CPAMD8: variants seen among roughly 807,000 people sequenced by gnomAD.
The protein encoded by CPAMD8 is C3 and PZP-like alpha-2-macroglobulin domain-containing protein 8.
In CPAMD8, 146 loss-of-function variants were observed where a neutral mutation model predicts 224.7. The ratio of observed to expected loss-of-function variants is 0.65; its 90% CI spans 0.57 to 0.75. CPAMD8 has a LOEUF of 0.75. Ranked by LOEUF, CPAMD8 falls within the 30% of genes least tolerant of loss-of-function variation. The probability of loss-of-function intolerance (pLI) is 0.00; values close to 1 mark genes in which losing one functional copy is unlikely to be tolerated. For synonymous variants in CPAMD8, 966 were observed against 1,044.6 expected, an observed-to-expected ratio of 0.92 and a Z score of 1.45; for missense variants, 2,301 against 2,537.5, an observed-to-expected ratio of 0.91 and a Z score of 2.00.
intron 29 of CPAMD8, among the ~76,000 whole-genome samples, chr19:16,908,240 T>C (rs2052597740): frequency 6.6e-6 from 1 of 151,610 alleles, no homozygotes; most frequent in Admixed American, 6.6e-5. Flanking sequence ...GCGCCTATAA[T>C]CCAAGCTATT....
At chr19:16,948,403 G>C (rs1196102946) in intron 20 of CPAMD8, among the ~76,000 whole-genome samples, 1 of 152,080 alleles carries the variant, frequency 6.6e-6, no homozygotes, top group South Asian at 2.1e-4. Context: ...GCTGCTGCAG[G>C]GTGCACATCA....
chr19:17,006,529 G>A (rs1307869566), intron 7 of CPAMD8, among the ~76,000 whole-genome samples: 4 of 138,926 alleles, frequency 2.9e-5, no homozygotes, highest in Admixed American at 1.5e-4. Flanking sequence ...CCTGCCTCTT[G>A]AGAAAAAAAA....
chr19:16,906,338 C>CTTTCTTTCTT (rs1164137109), intron 30 of CPAMD8, among the ~76,000 whole-genome samples: 3 of 26,890 alleles, frequency 1.1e-4, no homozygotes, highest in South Asian at 4.5e-3. Context: ...CCTTCTTTCC[C>CTTTCTTTCTT]TTTCTTTCTT....
rs745959810 is a variant in CPAMD8 at position 16,957,933 on chromosome 19, G to T, written c.2214-18C>A. ...TCTCTGTTCTATGAAAAGAAAAAAAGAAACGATTAAGGTTTCATGAACATA... is the reference window on the plus strand; with the variant it reads ...TCTCTGTTCTATGAAAAGAAAAAAATAAACGATTAAGGTTTCATGAACATA... On this transcript the variant is annotated intron_variant, in intron 18 of 41. Transcript: ENST00000443236. 6.2e-7 allele frequency: 1 copy of T among 1,608,054 alleles called. No homozygotes were observed. The highest frequency in any genetic ancestry group is 1.7e-5 in the Admixed American group (1 of 59,202).
intron 23 of CPAMD8, among the ~76,000 whole-genome samples, chr19:16,932,091 T>A (rs1285367133): frequency 1.3e-5 from 2 of 151,340 alleles, no homozygotes; most frequent in African/African-American, 4.9e-5. Flanking sequence ...AGCAACAGAT[T>A]CCAGTAAAAA....
intron 28 of CPAMD8, 61 bp downstream of exon 28, chr19:16,914,596 C>A: frequency 1.1e-5 from 18 of 1,612,750 alleles, no homozygotes; most frequent in Non-Finnish European, 1.5e-5. Context: ...ACAGGCAGGT[C>A]AGGGCTGGGG....
intron 18 of CPAMD8, among the ~76,000 whole-genome samples, chr19:16,968,307 C>T (rs913945408): frequency 6.6e-6 from 1 of 152,124 alleles, no homozygotes; most frequent in Non-Finnish European, 1.5e-5. Context: ...GCCTGCTAAA[C>T]GTGTGGCCCC....
At position 16,900,177 on chromosome 19, in the gene CPAMD8, GGTCT is replaced by G. The variant is rs930018481; in HGVS notation, c.4774-632_4774-629del. Among the ~76,000 whole-genome samples the G allele has an allele frequency of 8.3e-4, 127 of 152,198 alleles. 2 individuals carry two copies. In the Middle Eastern group the frequency reaches 0.01, roughly 12 times the overall value. ...CTGTACAAAATGGGGACATGGCACT[GGTCT>G]GTCTTAGGGTTGTGAGGGTGACAGC... On this transcript the variant is annotated intron_variant, in intron 36 of 41. Transcript: ENST00000443236.
intron 19 of CPAMD8, among the ~76,000 whole-genome samples, chr19:16,956,187 C>A (rs965809450): frequency 6.6e-6 from 1 of 152,134 alleles, no homozygotes; most frequent in African/African-American, 2.4e-5. Flanking sequence ...TGGTCTCATA[C>A]TCCCTGCATC....
intron 13 of CPAMD8, among the ~76,000 whole-genome samples, chr19:16,984,331 AGAGAGAGAG>A (rs1001224537): frequency 5.6e-5 from 6 of 106,716 alleles, no homozygotes; most frequent in African/African-American, 2.7e-4. Flanking sequence ...AAAAAAAAAA[AGAGAGAGAG>A]AGAGAGAGAG....
At chr19:17,000,955 T>C (rs1233813872) in intron 9 of CPAMD8, among the ~76,000 whole-genome samples, 1 of 152,126 alleles carries the variant, frequency 6.6e-6, no homozygotes, top group African/African-American at 2.4e-5. Context: ...TCAGGGGTGA[T>C]AGTGAAACTT....
chr19:16,997,951 A>G (rs899985556), intron 10 of CPAMD8, among the ~76,000 whole-genome samples: 4 of 152,188 alleles, frequency 2.6e-5, no homozygotes, highest in African/African-American at 9.7e-5. Context: ...TCCCTCATTC[A>G]ATTCCTATCT....
Position 17,008,033 on chromosome 19 carries a change from G to C in CPAMD8, c.559+472C>G, listed in dbSNP as rs377448368. Among the ~76,000 whole-genome samples the C allele has an allele frequency of 2.3e-3, 355 of 152,304 alleles. 16 individuals carry two copies. The South Asian group carries it at 0.072, about 31-fold the overall frequency. ...AAAATACAAAAATAAGCCAGGCGTG[G>C]TGCCATGCACCTGTAATCCCAGCTA... On this transcript the variant is annotated intron_variant, in intron 7 of 41. Coordinates refer to ENST00000443236, the MANE Select transcript of CPAMD8 (RefSeq NM_015692.5).
At position 16,946,885 on chromosome 19, in the gene CPAMD8, G is replaced by A. The variant is rs531542462; in HGVS notation, c.2662+189C>T. On this transcript the variant is annotated intron_variant, in intron 21 of 41. Coordinates refer to ENST00000443236, the MANE Select transcript of CPAMD8 (RefSeq NM_015692.5). ...CTCCCCCAACAGGTGAGACCCCAGG[G>A]CTTGCCTCCCCACTCCTCCTGGGCC... 1.0e-3 allele frequency among the ~76,000 whole-genome samples: 158 copies of A among 152,266 alleles called. 1 individual carries two copies. The highest frequency in any genetic ancestry group is 8.7e-3 in the South Asian group (42 of 4,830).
At chr19:16,944,948 G>A (rs978500982) in intron 22 of CPAMD8, among the ~76,000 whole-genome samples, 1 of 152,190 alleles carries the variant, frequency 6.6e-6, no homozygotes, top group African/African-American at 2.4e-5. Context: ...AAGCAGCCAA[G>A]AAAAGATGAG....
intron 1 of CPAMD8, among the ~76,000 whole-genome samples, chr19:17,024,592 C>T (rs1314734905): frequency 6.6e-6 from 1 of 152,182 alleles, no homozygotes; most frequent in African/African-American, 2.4e-5. Context: ...CTTTGAAACT[C>T]CTGACAATAC....
chr19:16,895,299 G>A (rs2227365), intron 41 of CPAMD8: 40,235 of 152,480 alleles, frequency 0.26, 6,159 homozygotes, highest in Non-Finnish European at 0.34. Flanking sequence ...TGTAATCCCA[G>A]CTTCTGGGGA....
intron 25 of CPAMD8, among the ~76,000 whole-genome samples, chr19:16,927,003 T>G (rs2053387594): frequency 6.6e-6 from 1 of 152,080 alleles, no homozygotes; most frequent in Admixed American, 6.5e-5. Flanking sequence ...GTCCATCTCC[T>G]TCCGGCCTCT....
chr19:16,898,065 C>T lies in CPAMD8; in HGVS notation c.4849-71G>A. ...CGGGGCGCTGAGCTCAGGCCCAGAACTGGCTGATTTCAGGGATACCCAGGA... is the reference window on the plus strand; with the variant it reads ...CGGGGCGCTGAGCTCAGGCCCAGAATTGGCTGATTTCAGGGATACCCAGGA... On this transcript the variant is annotated intron_variant, in intron 37 of 41. Coordinates refer to ENST00000443236, the MANE Select transcript of CPAMD8 (RefSeq NM_015692.5). The surrounding 1 kb of genome is among the most constrained non-coding windows in gnomAD (Gnocchi z 4.2). 9.0e-7 allele frequency: 1 copy of T among 1,105,886 alleles called. No homozygotes were observed. Among genetic ancestry groups the T allele is most frequent in the Non-Finnish European group, 1.3e-6 (1 of 766,516 alleles). 68.5% of individuals were successfully genotyped at this position (1,105,886 alleles called of 1,614,324 possible).
Sources: allele counts gnomAD v4.1 joint callset (sites outside exome capture counted in the v4.1 genomes callset), GRCh38; gene constraint gnomAD v4.1.1; non-coding constraint Gnocchi (gnomAD v3.1); transcripts MANE v1.5; gene names NCBI Gene and HGNC (gene_info 2026-07-23, HGNC 2026-07-21).